Variants in SYT1 observed in about 807,000 individuals in gnomAD.
The protein encoded by SYT1 is synaptotagmin 1, also known as synaptotagmin-1.
SYT1 carries 8 observed loss-of-function variants against 44.8 expected under a neutral mutation model. That is an observed-to-expected ratio of 0.18 (90% confidence interval 0.10 to 0.32). The LOEUF (loss-of-function observed/expected upper bound fraction) is 0.32. Ranked by LOEUF, SYT1 falls within the 10% of genes least tolerant of loss-of-function variation. The pLI, the probability that SYT1 is intolerant of heterozygous loss-of-function variation, is 1.00. For missense variants in SYT1, 286 were observed against 509.3 expected, an observed-to-expected ratio of 0.56 and a Z score of 4.22; for synonymous variants, 154 against 188.8, an observed-to-expected ratio of 0.82 and a Z score of 1.51.
intron 4 of SYT1, among the ~76,000 whole-genome samples, chr12:79,225,802 C>T (rs1277539761): frequency 6.6e-6 from 1 of 152,142 alleles, no homozygotes; most frequent in African/African-American, 2.4e-5. Flanking sequence ...TCCTTTTGGT[C>T]TTTGCCCAAT....
At chr12:79,199,926 C>G (rs1873679592) in intron 3 of SYT1, among the ~76,000 whole-genome samples, 1 of 152,028 alleles carries the variant, frequency 6.6e-6, no homozygotes, top group Non-Finnish European at 1.5e-5. Flanking sequence ...AAGTCTTGAT[C>G]CTTTCCCTTT....
chr12:79,207,267 A>C (rs1874179387), intron 3 of SYT1, among the ~76,000 whole-genome samples: 2 of 152,232 alleles, frequency 1.3e-5, no homozygotes, highest in Non-Finnish European at 2.9e-5. Context: ...CGATGGGCAC[A>C]CACTGGATTT....
chr12:78,997,173 G>T (rs1870435245), intron 2 of SYT1, among the ~76,000 whole-genome samples: 1 of 152,178 alleles, frequency 6.6e-6, no homozygotes, highest in Non-Finnish European at 1.5e-5. Flanking sequence ...TGGATAAGAG[G>T]CTCATCCTAT....
intron 9 of SYT1, among the ~76,000 whole-genome samples, chr12:79,377,105 T>TTTTGCTTTGTTTTG (rs150386499): frequency 6.6e-6 from 1 of 151,840 alleles, no homozygotes; most frequent in African/African-American, 2.4e-5. Context: ...ACATTTTTTG[T>TTTTGCTTTGTTTTG]TTTTTTGTTT....
At chr12:79,248,086 A>G (rs766105125) in intron 4 of SYT1, among the ~76,000 whole-genome samples, 2 of 152,244 alleles carry the variant, frequency 1.3e-5, no homozygotes, top group Admixed American at 6.5e-5. Context: ...GGCACAGTCC[A>G]TTTAAATCTT....
At chr12:79,056,302 T>C (rs981780739) in intron 3 of SYT1, among the ~76,000 whole-genome samples, 1 of 151,996 alleles carries the variant, frequency 6.6e-6, no homozygotes, top group African/African-American at 2.4e-5. Context: ...CAAGATGAAA[T>C]TTCGATTTGA....
At chr12:79,231,358 T>C (rs1464598217) in intron 4 of SYT1, among the ~76,000 whole-genome samples, 1 of 152,170 alleles carries the variant, frequency 6.6e-6, no homozygotes, top group Non-Finnish European at 1.5e-5. Context: ...TAAGAAAATA[T>C]TGGCCCATTG....
chr12:79,039,114 G>A (rs1248374732), intron 2 of SYT1, among the ~76,000 whole-genome samples: 1 of 151,890 alleles, frequency 6.6e-6, no homozygotes, highest in East Asian at 1.9e-4. Context: ...ACTATGGTTA[G>A]GTCTACAGGG....
At chr12:79,371,060 T>C (rs1295594646) in intron 9 of SYT1, among the ~76,000 whole-genome samples, 1 of 152,220 alleles carries the variant, frequency 6.6e-6, no homozygotes, top group Non-Finnish European at 1.5e-5. Flanking sequence ...TATAATCTAG[T>C]CAGTGCTTTC....
chr12:79,196,057 A>G (rs146310563), intron 3 of SYT1, among the ~76,000 whole-genome samples: 75 of 152,300 alleles, frequency 4.9e-4, no homozygotes, highest in African/African-American at 1.8e-3. Flanking sequence ...TATAGTTGCG[A>G]ACAGACATCT....
chr12:79,435,334 T>A (rs963726565), intron 9 of SYT1, among the ~76,000 whole-genome samples: 43 of 152,182 alleles, frequency 2.8e-4, no homozygotes, highest in Admixed American at 2.0e-3. Context: ...TTTTTTGTCT[T>A]TTGTTTTCCT....
chr12:79,121,183 A>G (rs537256513), intron 3 of SYT1, among the ~76,000 whole-genome samples: 3 of 151,692 alleles, frequency 2.0e-5, no homozygotes, highest in Admixed American at 1.3e-4. Context: ...TGGCAAACCC[A>G]TTTTCCAATC....
chr12:79,264,391 G>A (rs546148853), intron 4 of SYT1, among the ~76,000 whole-genome samples: 2 of 151,994 alleles, frequency 1.3e-5, no homozygotes, highest in Non-Finnish European at 2.9e-5. Flanking sequence ...CAGTGGAAAC[G>A]TGATAAAGTT....
intron 1 of SYT1, among the ~76,000 whole-genome samples, chr12:78,921,750 C>A (rs1206558029): frequency 1.3e-5 from 2 of 151,840 alleles, no homozygotes; most frequent in Non-Finnish European, 2.9e-5. Context: ...CATGGCGCTG[C>A]TGAGATAATT....
intron 1 of SYT1, among the ~76,000 whole-genome samples, chr12:78,872,255 GT>G (rs1426257162): frequency 6.6e-6 from 1 of 151,308 alleles, no homozygotes; most frequent in Non-Finnish European, 1.5e-5. Flanking sequence ...CCAACGACTT[GT>G]TTTTTTTCTG....
chr12:78,978,699 C>A (rs1322551979), intron 2 of SYT1, among the ~76,000 whole-genome samples: 1 of 152,152 alleles, frequency 6.6e-6, no homozygotes, highest in Non-Finnish European at 1.5e-5. Context: ...GAGTCCCATG[C>A]TACAGAAGTT....
chr12:79,374,677 C>G (rs1437896796), intron 9 of SYT1, among the ~76,000 whole-genome samples: 1 of 152,178 alleles, frequency 6.6e-6, no homozygotes, highest in Non-Finnish European at 1.5e-5. Context: ...AGCAGGATGG[C>G]TGCTCACAAG....
intron 3 of SYT1, among the ~76,000 whole-genome samples, chr12:79,068,958 A>G (rs1876075794): frequency 6.6e-6 from 1 of 152,214 alleles, no homozygotes; most frequent in South Asian, 2.1e-4. Context: ...GATACCAGAG[A>G]TCAGTATAGC....
chr12:78,932,628 T>C (rs376433572), intron 1 of SYT1, among the ~76,000 whole-genome samples: 1 of 152,178 alleles, frequency 6.6e-6, no homozygotes, highest in Non-Finnish European at 1.5e-5. Context: ...GGAAATCATA[T>C]TCTATTTAAA....
Sources: gnomAD v4.1 joint callset for allele counts (sites outside exome capture counted in the v4.1 genomes callset) on GRCh38, gnomAD v4.1.1 for gene constraint, MANE v1.5 for transcripts, NCBI Gene and HGNC (gene_info 2026-07-23, HGNC 2026-07-21) for gene names.